The following ARMCX4 variants were observed in gnomAD, a reference collection of about 807,000 sequenced individuals.
ARMCX4 encodes armadillo repeat-containing X-linked protein 4.
In ARMCX4, 3 loss-of-function variants were observed where a neutral mutation model predicts 34.7. The ratio of observed to expected loss-of-function variants is 0.09; its 90% CI spans 0.04 to 0.22. The LOEUF (loss-of-function observed/expected upper bound fraction) is 0.22. Among genes scored for constraint, ARMCX4 ranks in the 10% least tolerant of loss-of-function variants. The probability of loss-of-function intolerance (pLI) is 1.00; values close to 1 mark genes in which losing one functional copy is unlikely to be tolerated. For missense variants in ARMCX4, 1,448 were observed against 1,720.8 expected (o/e 0.84, Z 2.81); for synonymous variants, 513 against 632.8 (o/e 0.81, Z 2.84).
chrX:101,437,376 G>A (rs1210180168), intron 2 of ARMCX4, among the ~76,000 whole-genome samples: 1 of 111,934 alleles, frequency 8.9e-6, no homozygotes, highest in Non-Finnish European at 1.9e-5. Context: ...AGTCTTGGGA[G>A]GGTGTATGTG....
intron 3 of ARMCX4, among the ~76,000 whole-genome samples, chrX:101,445,689 T>C (rs938457321): frequency 1.6e-4 from 18 of 111,867 alleles, no homozygotes; most frequent in Non-Finnish European, 3.0e-4. Flanking sequence ...TATTATGAAG[T>C]CTCGTTAGCA....
chrX:101,529,733 A>C (rs1365356248), intron 11 of ARMCX4, among the ~76,000 whole-genome samples: 1 of 112,714 alleles, frequency 8.9e-6, no homozygotes, highest in Non-Finnish European at 1.9e-5. Flanking sequence ...ACATGAAAAA[A>C]TGCTCATCAT....
intron 4 of ARMCX4, among the ~76,000 whole-genome samples, chrX:101,476,639 C>T (rs960682043): frequency 2.7e-5 from 3 of 110,978 alleles, no homozygotes; most frequent in Admixed American, 9.6e-5. Flanking sequence ...AAAATCATGA[C>T]TTCAAATTAT....
At chrX:101,485,384 G>A, upstream of ARMCX4, 1 of 235,524 alleles carries the variant, frequency 4.2e-6, no homozygotes, top group Middle Eastern at 2.4e-3. Context: ...GGAGGAGGGC[G>A]AGCTCGGCGG....
At chrX:101,498,070 G>C (rs1266574391), downstream of ARMCX4, 1 of 312,076 alleles carries the variant, frequency 3.2e-6, no homozygotes, top group Non-Finnish European at 6.2e-6. Flanking sequence ...GATGGATATG[G>C]CCTTCTTGCC....
intron 2 of ARMCX4, among the ~76,000 whole-genome samples, chrX:101,432,740 G>GTA (rs200386848): frequency 1.5e-5 from 1 of 67,390 alleles, no homozygotes; most frequent in Non-Finnish European, 3.3e-5. Context: ...ACATATATAC[G>GTA]TATATATATG....
At chrX:101,436,571 A>G (rs1475689955) in intron 2 of ARMCX4, among the ~76,000 whole-genome samples, 4 of 111,615 alleles carry the variant, frequency 3.6e-5, no homozygotes, top group African/African-American at 1.3e-4. Flanking sequence ...TTCTAGATAT[A>G]CAATCATGTC....
chrX:101,426,598 C>A (rs1419619830), intron 2 of ARMCX4, among the ~76,000 whole-genome samples: 2 of 111,761 alleles, frequency 1.8e-5, no homozygotes, highest in African/African-American at 6.5e-5. Flanking sequence ...TGGCTCACTT[C>A]TGGTTGTTGA....
At chrX:101,437,057 T>C (rs1459618231) in intron 2 of ARMCX4, among the ~76,000 whole-genome samples, 4 of 112,085 alleles carry the variant, frequency 3.6e-5, no homozygotes, top group South Asian at 3.7e-4. Context: ...CAGTATTTTA[T>C]TGAGAATTTT....
At chrX:101,431,524 T>C (rs782418366) in intron 2 of ARMCX4, among the ~76,000 whole-genome samples, 1 of 110,855 alleles carries the variant, frequency 9.0e-6, no homozygotes, top group East Asian at 2.8e-4. Context: ...CCACATTTGG[T>C]ATTACAAAAG....
chrX:101,508,730 T>C (rs1222572972), intron 8 of ARMCX4, among the ~76,000 whole-genome samples: 3 of 111,930 alleles, frequency 2.7e-5, no homozygotes, highest in Non-Finnish European at 5.6e-5. Flanking sequence ...TCTTTTAATG[T>C]ATTATTTTGG....
intron 4 of ARMCX4, among the ~76,000 whole-genome samples, chrX:101,462,552 A>G (rs952246103): frequency 3.7e-5 from 4 of 106,998 alleles, no homozygotes; most frequent in Non-Finnish European, 5.8e-5. Flanking sequence ...AGGCAGGAGA[A>G]TCATTTGAAC....
intron 3 of ARMCX4, 125 bp from the exon 4 acceptor site, chrX:101,487,483 G>T: frequency 4.0e-6 from 1 of 252,102 alleles, no homozygotes; most frequent in Non-Finnish European, 7.5e-6. Flanking sequence ...ACCATGAGAT[G>T]GTACACATTA....
intron 11 of ARMCX4, chrX:101,516,730 G>C (rs1934752571): frequency 9.0e-6 from 1 of 111,165 alleles, no homozygotes; most frequent in South Asian, 3.8e-4. Flanking sequence ...CTTGTGTCCA[G>C]CTATTACCAA....
intron 7 of ARMCX4, among the ~76,000 whole-genome samples, chrX:101,500,984 C>T (rs782557798): frequency 1.4e-4 from 16 of 112,025 alleles, no homozygotes; most frequent in East Asian, 2.8e-4. Context: ...AAGATCCAGG[C>T]GGTTGGCCAC....
chrX:101,436,667 A>G (rs1191721563), intron 2 of ARMCX4, among the ~76,000 whole-genome samples: 1 of 111,441 alleles, frequency 9.0e-6, no homozygotes, highest in Non-Finnish European at 1.9e-5. Flanking sequence ...CTTGGCCAGA[A>G]CTTCCAACAC....
At chrX:101,504,825 A>G in intron 7 of ARMCX4, 1 of 111,624 alleles carries the variant, frequency 9.0e-6, no homozygotes, top group East Asian at 2.8e-4. Context: ...TCTGAAAATC[A>G]TATGAACTGA....
At chrX:101,461,057 T>C (rs1333100666) in intron 4 of ARMCX4, among the ~76,000 whole-genome samples, 1 of 112,588 alleles carries the variant, frequency 8.9e-6, no homozygotes, top group African/African-American at 3.2e-5. Context: ...TAATGAACTG[T>C]TTTATTTATT....
At chrX:101,444,688 C>G (rs1555997664) in intron 3 of ARMCX4, among the ~76,000 whole-genome samples, 1 of 111,975 alleles carries the variant, frequency 8.9e-6, no homozygotes. Context: ...TTATCTGCAG[C>G]TTTATTAAGG....
Sources: gnomAD v4.1 joint callset for allele counts (sites outside exome capture counted in the v4.1 genomes callset) on GRCh38, gnomAD v4.1.1 for gene constraint, MANE v1.5 for transcripts, NCBI Gene and HGNC (gene_info 2026-07-23, HGNC 2026-07-21) for gene names.